Variants in ADAM7 observed in about 807,000 individuals in gnomAD.
ADAM7 encodes the protein ADAM metallopeptidase domain 7.
In ADAM7, 97 loss-of-function variants were observed where a neutral mutation model predicts 102.9. The ratio of observed to expected loss-of-function variants is 0.94; its 90% CI spans 0.80 to 1.12. The LOEUF is 1.12. ADAM7 is among the 50% of genes most tolerant of loss of function. ADAM7 has a pLI of 0.00. For synonymous variants in ADAM7, 334 were observed against 304.4 expected (o/e 1.10, Z -1.01); for missense variants, 991 against 908.7 (o/e 1.09, Z -1.16).
At chr8:24,500,144 T>A in intron 17 of ADAM7, 34 bp from the exon 18 acceptor site, 1 of 1,572,732 alleles carries the variant, frequency 6.4e-7, no homozygotes, top group Non-Finnish European at 8.7e-7. Flanking sequence ...CTTATATCAG[T>A]CATTTGAGAA....
At position 24,476,463 on chromosome 8, in the gene ADAM7, C is replaced by CT; in HGVS notation, c.665dup (p.Arg223LysfsTer16). ...CAGAAATGGTCATCCTCACAATAAA[C>CT]TAAGGAACCGAATTTGGGGAATGGT... On this transcript the variant is annotated frameshift_variant, in exon 8 of 22. Coordinates refer to ENST00000175238, the MANE Select transcript of ADAM7 (RefSeq NM_003817.4). LOFTEE classifies it high-confidence loss of function. 1 of 1,608,500 alleles carries CT rather than the reference C, an allele frequency of 6.2e-7. No individual in the cohort carries two copies. Among genetic ancestry groups the CT allele is most frequent in the South Asian group, 1.1e-5 (1 of 90,230 alleles).
intron 2 of ADAM7, among the ~76,000 whole-genome samples, chr8:24,443,248 C>T (rs1303796599): frequency 2.6e-5 from 4 of 152,078 alleles, no homozygotes; most frequent in Non-Finnish European, 5.9e-5. Flanking sequence ...GTTGCCCAAA[C>T]GTACTATGGA....
chr8:24,457,556 A>T (rs761884714), intron 3 of ADAM7, among the ~76,000 whole-genome samples: 3,110 of 152,288 alleles, frequency 0.02, 114 homozygotes, highest in African/African-American at 0.072. Flanking sequence ...GATTACAGGC[A>T]TGAGCCACTG....
At chr8:24,490,384 A>C (rs557291702) in intron 12 of ADAM7, 1 of 155,444 alleles carries the variant, frequency 6.4e-6, no homozygotes, top group Non-Finnish European at 1.4e-5. Context: ...GATGTTATTT[A>C]ATGATACATT....
At chr8:24,464,780 T>C (rs1361629706) in intron 4 of ADAM7, among the ~76,000 whole-genome samples, 2 of 139,562 alleles carry the variant, frequency 1.4e-5, no homozygotes, top group African/African-American at 5.2e-5. Flanking sequence ...TTTGTATTTT[T>C]AGTAGAGGCG....
At chr8:24,452,863 C>T (rs1818854332) in intron 3 of ADAM7, among the ~76,000 whole-genome samples, 2 of 150,910 alleles carry the variant, frequency 1.3e-5, no homozygotes, top group Non-Finnish European at 2.9e-5. Flanking sequence ...CAAAATCTCT[C>T]AGCATTTGCT....
Position 24,507,475 on chromosome 8 carries a change from T to C in ADAM7, c.2209-5T>C. 2 of 1,610,068 alleles carry C rather than the reference T, an allele frequency of 1.2e-6. No homozygotes were observed. On this transcript the variant is annotated splice_region_variant and splice_polypyrimidine_tract_variant and intron_variant, in intron 20 of 21. Coordinates refer to ENST00000175238, the MANE Select transcript of ADAM7 (RefSeq NM_003817.4). ...ACATGATACAACATAATTTATTTATTATAGAAACCTGCAAGTAAAGATTCA... is the reference window on the plus strand; with the variant it reads ...ACATGATACAACATAATTTATTTATCATAGAAACCTGCAAGTAAAGATTCA...
chr8:24,493,305 C>T, intron 16 of ADAM7, 76 bp downstream of exon 16: 2 of 1,329,888 alleles, frequency 1.5e-6, no homozygotes, highest in Non-Finnish European at 2.0e-6. Flanking sequence ...ACTGTAATTG[C>T]TTCCAAAGAG....
chr8:24,478,076 CATTAACTA>C (rs1212577774), intron 8 of ADAM7, among the ~76,000 whole-genome samples: 1 of 152,136 alleles, frequency 6.6e-6, no homozygotes, highest in African/African-American at 2.4e-5. Flanking sequence ...GAACAATACT[CATTAACTA>C]TCTCACAATT....
chr8:24,468,057 C>A (rs925216205), intron 6 of ADAM7, among the ~76,000 whole-genome samples: 6 of 151,778 alleles, frequency 4.0e-5, no homozygotes, highest in Non-Finnish European at 7.4e-5. Context: ...CAGAGTGAGA[C>A]CCTGTCTCAA....
At chr8:24,504,889 C>T (rs1317428036) in intron 20 of ADAM7, among the ~76,000 whole-genome samples, 1 of 152,080 alleles carries the variant, frequency 6.6e-6, no homozygotes, top group Non-Finnish European at 1.5e-5. Context: ...CATTTATACT[C>T]TTTATTATGC....
intron 3 of ADAM7, among the ~76,000 whole-genome samples, chr8:24,462,005 G>A (rs560171456): frequency 6.2e-4 from 95 of 152,180 alleles, no homozygotes; most frequent in African/African-American, 1.8e-3. Context: ...TTCTCTTGAC[G>A]ATAGTTCAAT....
At chr8:24,463,796 T>C (rs937661026) in intron 3 of ADAM7, 86 bp from the exon 4 acceptor site, 2 of 1,146,764 alleles carry the variant, frequency 1.7e-6, no homozygotes, top group Non-Finnish European at 2.5e-6. Flanking sequence ...GGAAGCAAAC[T>C]GGACACTTCT....
intron 3 of ADAM7, among the ~76,000 whole-genome samples, chr8:24,460,119 G>C (rs1274591299): frequency 6.6e-6 from 1 of 151,872 alleles, no homozygotes; most frequent in Non-Finnish European, 1.5e-5. Flanking sequence ...AATCATTTGT[G>C]TATTTTGCAG....
At position 24,500,774 on chromosome 8, in the gene ADAM7, T is replaced by C; in HGVS notation, c.2003-16T>C. ...ACTGATACCCTCGATGAAGCCCATG[T>C]TTCTTCATGTTGCAGATATCACCAT... On this transcript the variant is annotated splice_polypyrimidine_tract_variant and intron_variant, in intron 18 of 21. Coordinates refer to ENST00000175238, the MANE Select transcript of ADAM7 (RefSeq NM_003817.4). 1.2e-6 allele frequency: 2 copies of C among 1,600,984 alleles called. No individual in the cohort carries two copies. Among genetic ancestry groups the C allele is most frequent in the East Asian group, 4.5e-5 (2 of 44,720 alleles).
intron 4 of ADAM7, 120 bp downstream of exon 4, chr8:24,464,080 GAATT>G (rs1477556904): frequency 8.6e-6 from 7 of 812,712 alleles, no homozygotes; most frequent in Middle Eastern, 2.5e-4. Flanking sequence ...AATAAGCTCT[GAATT>G]GATTACTCTC....
Position 24,468,784 on chromosome 8 carries a change from G to T in ADAM7, c.597G>T (p.Lys199Asn). 6.2e-7 allele frequency: 1 copy of T among 1,613,296 alleles called. No individual in the cohort carries two copies. The part of the protein sequence containing the change: ...DSKIKGIHDE[K>N]YVELFIVADD... ...CTTTACAGGGCATCCATGATGAAAA[G>T]TATGTTGAATTGTTCATTGTTGCTG... The change falls in exon 7 of 22, where the codon AAG becomes AAT. Residue 199 changes from lysine to asparagine, a missense_variant. Lys to Asn is a moderately conservative substitution (Grantham distance 94). Transcript: ENST00000175238.
chr8:24,442,174 A>G (rs1298678275), intron 1 of ADAM7, among the ~76,000 whole-genome samples: 3 of 152,190 alleles, frequency 2.0e-5, no homozygotes, highest in Non-Finnish European at 4.4e-5. Flanking sequence ...ACTCTGTCTC[A>G]AAAAAATAAA....
chr8:24,499,883 T>C (rs1820695407), intron 17 of ADAM7, among the ~76,000 whole-genome samples: 1 of 151,888 alleles, frequency 6.6e-6, no homozygotes, highest in South Asian at 2.1e-4. Context: ...ATTTATCATA[T>C]ATATCATATA....
Sources: gnomAD v4.1 joint callset for allele counts (sites outside exome capture counted in the v4.1 genomes callset) on GRCh38, gnomAD v4.1.1 for gene constraint, MANE v1.5 for transcripts, NCBI Gene and HGNC (gene_info 2026-07-23, HGNC 2026-07-21) for gene names.